The following SLC35D4 variants were observed in gnomAD, a reference collection of about 807,000 sequenced individuals.
The protein encoded by SLC35D4 is solute carrier family 35 member D4.
chr18:23,268,477 T>C, the SLC35D4 span, among the ~76,000 whole-genome samples: 2 of 152,096 alleles, frequency 1.3e-5, no homozygotes, highest in Non-Finnish European at 2.9e-5. Context: ...CTGGAATCTC[T>C]GAGGGTGGGG....
the SLC35D4 span, among the ~76,000 whole-genome samples, chr18:23,335,091 G>A: frequency 6.6e-6 from 1 of 151,914 alleles, no homozygotes; most frequent in African/African-American, 2.4e-5. Flanking sequence ...TTTTAAGCAG[G>A]AAAAAAATGG....
chr18:23,320,217 T>G, the SLC35D4 span, among the ~76,000 whole-genome samples: 6 of 152,230 alleles, frequency 3.9e-5, no homozygotes, highest in African/African-American at 1.4e-4. Context: ...TTTTCCTCTT[T>G]GTGTTTCACT....
At chr18:23,383,125 A>ATAGGACAGCAAGCCCCAGGGC in the SLC35D4 span, among the ~76,000 whole-genome samples, 4 of 152,104 alleles carry the variant, frequency 2.6e-5, no homozygotes, top group Admixed American at 6.5e-5. Context: ...GGGGAGAACC[A>ATAGGACAGCAAGCCCCAGGGC]TAGGACAGCA....
the SLC35D4 span, chr18:23,259,563 T>G: frequency 7.2e-5 from 11 of 152,222 alleles, no homozygotes; most frequent in African/African-American, 2.2e-4. Context: ...TGGACAGTTT[T>G]GTGGGTTTTA....
chr18:23,265,801 C>A, the SLC35D4 span, among the ~76,000 whole-genome samples: 1 of 151,826 alleles, frequency 6.6e-6, no homozygotes. Context: ...TCTGCCGGAA[C>A]CACTTGCTAT....
chr18:23,331,750 A>G, the SLC35D4 span, among the ~76,000 whole-genome samples: 9 of 151,918 alleles, frequency 5.9e-5, no homozygotes, highest in Non-Finnish European at 1.3e-4. Context: ...CTCATCCCGA[A>G]TCCCCTCTGT....
At chr18:23,331,237 C>T in the SLC35D4 span, 1 of 152,268 alleles carries the variant, frequency 6.6e-6, no homozygotes, top group African/African-American at 2.4e-5. Flanking sequence ...GCAATGCTAC[C>T]GGGAAGTCTG....
At chr18:23,346,842 A>G in the SLC35D4 span, among the ~76,000 whole-genome samples, 6 of 152,236 alleles carry the variant, frequency 3.9e-5, no homozygotes, top group African/African-American at 1.4e-4. Context: ...TTTGTATGTT[A>G]AACCAACTAT....
At chr18:23,317,958 G>A in the SLC35D4 span, among the ~76,000 whole-genome samples, 1 of 152,074 alleles carries the variant, frequency 6.6e-6, no homozygotes, top group Non-Finnish European at 1.5e-5. Flanking sequence ...GGCTGATCTC[G>A]AACTCCTGAC....
chr18:23,358,033 C>T, the SLC35D4 span, among the ~76,000 whole-genome samples: 1 of 152,270 alleles, frequency 6.6e-6, no homozygotes, highest in East Asian at 1.9e-4. Context: ...AAGTCCCTTT[C>T]CCCATAGAAG....
chr18:23,298,578 C>T, the SLC35D4 span, among the ~76,000 whole-genome samples: 1 of 152,166 alleles, frequency 6.6e-6, no homozygotes, highest in Non-Finnish European at 1.5e-5. Flanking sequence ...CAGAAAGAAA[C>T]ATGGCCAGTG....
chr18:23,256,543 C>T, the SLC35D4 span, among the ~76,000 whole-genome samples: 1 of 152,092 alleles, frequency 6.6e-6, no homozygotes, highest in Non-Finnish European at 1.5e-5. Flanking sequence ...TTCGGTGGCA[C>T]AATCTTGACT....
the SLC35D4 span, among the ~76,000 whole-genome samples, chr18:23,383,345 A>G: frequency 6.6e-6 from 1 of 151,744 alleles, no homozygotes; most frequent in Non-Finnish European, 1.5e-5. Flanking sequence ...AGAAAGATGG[A>G]TGAAGGAAAA....
the SLC35D4 span, among the ~76,000 whole-genome samples, chr18:23,363,364 ATTTT>A: frequency 2.3e-3 from 209 of 90,338 alleles, no homozygotes; most frequent in African/African-American, 0.01. Flanking sequence ...ACAAAAGCAC[ATTTT>A]TTTTTTTTTT....
At chr18:23,412,391 A>AAT in the SLC35D4 span, among the ~76,000 whole-genome samples, 2 of 152,230 alleles carry the variant, frequency 1.3e-5, no homozygotes, top group Non-Finnish European at 2.9e-5. Flanking sequence ...ATACCTTACA[A>AAT]ATGTAAAGTC....
the SLC35D4 span, among the ~76,000 whole-genome samples, chr18:23,304,709 G>A: frequency 1.3e-5 from 2 of 152,044 alleles, no homozygotes. Context: ...AGGAAGAGGG[G>A]GGAGGAAGAT....
chr18:23,285,973 G>T, the SLC35D4 span, among the ~76,000 whole-genome samples: 99 of 152,082 alleles, frequency 6.5e-4, no homozygotes, highest in African/African-American at 2.3e-3. Context: ...TTCATGGCTC[G>T]TTTGGCAGCA....
the SLC35D4 span, among the ~76,000 whole-genome samples, chr18:23,430,258 T>G: frequency 1.9e-3 from 283 of 147,300 alleles, 2 homozygotes; most frequent in African/African-American, 6.7e-3. Context: ...TTTTTTTTTG[T>G]AGACAGTGTC....
the SLC35D4 span, among the ~76,000 whole-genome samples, chr18:23,343,686 G>A: frequency 3.9e-5 from 6 of 152,100 alleles, no homozygotes; most frequent in African/African-American, 1.2e-4. Context: ...AGTACCCAAC[G>A]AGTAGTTTTC....
Sources: allele counts gnomAD v4.1 joint callset (sites outside exome capture counted in the v4.1 genomes callset), GRCh38; gene constraint gnomAD v4.1.1; transcripts MANE v1.5; gene names NCBI Gene and HGNC (gene_info 2026-07-23, HGNC 2026-07-21).